SCGN: variants seen among roughly 807,000 people sequenced by gnomAD.
SCGN encodes the protein secretagogin, EF-hand calcium binding protein, also known as secretagogin.
SCGN carries 30 observed loss-of-function variants against 39.7 expected under a neutral mutation model. The observed-to-expected ratio is 0.76, with a 90% confidence interval of 0.57 to 1.03. SCGN has a LOEUF of 1.03. Among genes scored for constraint, SCGN ranks in the 50% least tolerant of loss-of-function variants. SCGN has a pLI of 0.00. For synonymous variants in SCGN, 106 were observed against 114.1 expected, an observed-to-expected ratio of 0.93 and a Z score of 0.45; for missense variants, 353 against 349.4, an observed-to-expected ratio of 1.01 and a Z score of -0.08.
chr6:25,657,777 C>T (rs565693316), intron 2 of SCGN, among the ~76,000 whole-genome samples: 3 of 150,100 alleles, frequency 2.0e-5, no homozygotes, highest in South Asian at 4.2e-4. Context: ...TTGGAGGATG[C>T]CTTAAGTCAT....
At chr6:25,698,268 A>T (rs1561771498) in intron 10 of SCGN, among the ~76,000 whole-genome samples, 1 of 152,188 alleles carries the variant, frequency 6.6e-6, no homozygotes, top group Non-Finnish European at 1.5e-5. Context: ...CCTAATACAC[A>T]TGCATTCATA....
intron 8 of SCGN, 122 bp from the exon 9 acceptor site, chr6:25,689,350 TG>T (rs1759747535): frequency 6.9e-6 from 8 of 1,161,138 alleles, no homozygotes; most frequent in Non-Finnish European, 1.0e-5. Flanking sequence ...AGGATCAGCA[TG>T]GAATCAAGGG....
intron 10 of SCGN, among the ~76,000 whole-genome samples, chr6:25,691,830 T>C (rs1028720454): frequency 2.0e-5 from 3 of 152,186 alleles, no homozygotes; most frequent in East Asian, 3.8e-4. Context: ...GTGTTCTGGT[T>C]GGGCCAGATG....
intron 10 of SCGN, among the ~76,000 whole-genome samples, chr6:25,693,818 G>A (rs1008907011): frequency 2.6e-5 from 4 of 152,130 alleles, no homozygotes; most frequent in African/African-American, 9.7e-5. Flanking sequence ...CTAAGAATTC[G>A]GATTCTAGGC....
intron 6 of SCGN, among the ~76,000 whole-genome samples, chr6:25,675,140 C>T (rs9467558): frequency 0.51 from 77,864 of 152,024 alleles, 20,397 homozygotes; most frequent in Non-Finnish European, 0.58. Flanking sequence ...TATTATCTAA[C>T]GTTCTCTGGA....
chr6:25,661,641 A>G lies in SCGN; in HGVS notation c.243A>G (p.Lys81=). 6.2e-7 allele frequency: 1 copy of G among 1,608,136 alleles called. No homozygotes were observed. The highest frequency in any genetic ancestry group is 8.5e-7 in the Non-Finnish European group (1 of 1,174,746). Residue 81 remains lysine, a synonymous_variant, in exon 3 of 11, where the codon AAA becomes AAG. Transcript: ENST00000377961. ...DASKDGRIRM[K]ELAGMFLSED... is the part of the protein sequence containing the mutation. ...CTAAAGATGGTCGCATTCGGATGAA[A>G]GAGGTAACTTTACTGACAGTATTTT... is the stretch of plus-strand genomic sequence containing the variant.
intron 10 of SCGN, among the ~76,000 whole-genome samples, chr6:25,694,755 G>T (rs1318093929): frequency 6.6e-6 from 1 of 152,154 alleles, no homozygotes; most frequent in Non-Finnish European, 1.5e-5. Flanking sequence ...TAGTCTTCTA[G>T]GTTTCTTTAA....
At chr6:25,668,055 A>G (rs1393328487) in intron 4 of SCGN, among the ~76,000 whole-genome samples, 1 of 152,224 alleles carries the variant, frequency 6.6e-6, no homozygotes, top group African/African-American at 2.4e-5. Flanking sequence ...TGTTGTTACT[A>G]AATATCAGCA....
intron 4 of SCGN, among the ~76,000 whole-genome samples, chr6:25,666,289 G>T (rs1044076588): frequency 1.3e-5 from 2 of 151,932 alleles, no homozygotes; most frequent in African/African-American, 4.8e-5. Flanking sequence ...CCAGGAGGCG[G>T]AGTTGTAGTG....
chr6:25,691,478 T>G (rs548932351), intron 10 of SCGN, among the ~76,000 whole-genome samples: 20 of 152,352 alleles, frequency 1.3e-4, no homozygotes, highest in African/African-American at 4.6e-4. Context: ...AACATTTAAT[T>G]GAATTTCACG....
rs182957177 is a variant in SCGN, at chr6:25,688,387, T to C, written c.528-785T>C. 2.2e-4 allele frequency among the ~76,000 whole-genome samples: 33 copies of C among 152,346 alleles called. No homozygotes were observed. The East Asian group carries it at 4.0e-3, about 19-fold the overall frequency. ...GGTTAGTTCAATGGTCAGTTCATAA[T>C]TGGACAGAGATTTTCTAAAATGTCT... On this transcript the variant is annotated intron_variant, in intron 7 of 10. Coordinates refer to ENST00000377961, the MANE Select transcript of SCGN (RefSeq NM_006998.4).
intron 10 of SCGN, among the ~76,000 whole-genome samples, chr6:25,693,673 A>G (rs1311665519): frequency 6.7e-6 from 1 of 149,556 alleles, no homozygotes; most frequent in Non-Finnish European, 1.5e-5. Context: ...TCAGATGGCA[A>G]TTAACTAACA....
At chr6:25,694,018 T>A (rs1471300804) in intron 10 of SCGN, among the ~76,000 whole-genome samples, 2 of 152,222 alleles carry the variant, frequency 1.3e-5, no homozygotes, top group Non-Finnish European at 2.9e-5. Flanking sequence ...TTGTGCTACT[T>A]CACTAATTAA....
Position 25,669,578 on chromosome 6 carries a change from C to A in SCGN, c.393+11C>A. 1 of 1,610,424 alleles carries A rather than the reference C, an allele frequency of 6.2e-7. No individual in the cohort carries two copies. The highest frequency in any genetic ancestry group is 1.1e-5 in the South Asian group (1 of 90,974). The stretch of plus-strand genomic sequence containing the variant: ...GCTGCTGAGCTCCGCGTGAGTGTCA[C>A]TGGGTGAAGGGTGGGTTTGTTTATC... On this transcript the variant is annotated intron_variant, in intron 5 of 10. Transcript: ENST00000377961.
intron 7 of SCGN, among the ~76,000 whole-genome samples, chr6:25,688,480 A>G (rs1368804444): frequency 6.6e-6 from 1 of 152,156 alleles, no homozygotes; most frequent in Non-Finnish European, 1.5e-5. Flanking sequence ...GTTAAATGCT[A>G]CGACAGTCAT....
chr6:25,657,683 G>GTA (rs901038341), intron 2 of SCGN, among the ~76,000 whole-genome samples: 31 of 148,420 alleles, frequency 2.1e-4, no homozygotes, highest in Admixed American at 1.4e-3. Flanking sequence ...TATATTACGT[G>GTA]TATATATATA....
At position 25,689,225 on chromosome 6, in the gene SCGN, G is replaced by A; in HGVS notation, c.573+8G>A. On this transcript the variant is annotated splice_region_variant and intron_variant, in intron 8 of 10. Coordinates refer to ENST00000377961, the MANE Select transcript of SCGN (RefSeq NM_006998.4). ...CTCCAATTTAAAATGGATGTAAGTA[G>A]TGACATTTCTCTAGATGGGTTTATG... The A allele has an allele frequency of 2.5e-6, 4 of 1,579,754 alleles. 1 individual carries two copies. The African/African-American group carries it at 4.1e-5, about 16-fold the overall frequency.
chr6:25,701,401 T>C lies in SCGN; in HGVS notation c.*66T>C. On this transcript the variant is annotated 3_prime_UTR_variant, in exon 11 of 11. Coordinates refer to ENST00000377961, the MANE Select transcript of SCGN (RefSeq NM_006998.4). The stretch of plus-strand genomic sequence containing the variant: ...GATCTTGCTGGTAGAATTGTATCTG[T>C]GCATTGATGTTGGGAACACAGTGGG... The C allele has an allele frequency of 4.5e-6, 7 of 1,563,496 alleles. No individual in the cohort carries two copies. The highest frequency in any genetic ancestry group is 2.3e-5 in the East Asian group (1 of 43,884).
intron 6 of SCGN, among the ~76,000 whole-genome samples, chr6:25,679,522 G>A (rs1759608919): frequency 6.6e-6 from 1 of 152,214 alleles, no homozygotes; most frequent in Non-Finnish European, 1.5e-5. Flanking sequence ...GAGCTGGGTT[G>A]TGGGCTGAGG....
Sources: allele counts gnomAD v4.1 joint callset (sites outside exome capture counted in the v4.1 genomes callset), GRCh38; gene constraint gnomAD v4.1.1; transcripts MANE v1.5; gene names NCBI Gene and HGNC (gene_info 2026-07-23, HGNC 2026-07-21).